Variants in TBXAS1 observed in about 807,000 individuals in gnomAD.
TBXAS1 encodes the protein thromboxane A synthase 1.
In TBXAS1, 48 loss-of-function variants were observed where a neutral mutation model predicts 60.7. The ratio of observed to expected loss-of-function variants is 0.79; its 90% confidence interval spans 0.63 to 1.01. The LOEUF is 1.01. Ranked by LOEUF, TBXAS1 falls within the 50% of genes least tolerant of loss-of-function variation. TBXAS1 has a pLI of 0.00. For synonymous variants in TBXAS1, 287 were observed against 269.7 expected (o/e 1.06, Z -0.63); for missense variants, 685 against 686.3 (o/e 1.00, Z 0.02).
rs760866237 is a variant in TBXAS1 at position 140,020,151 on chromosome 7, C to T, written c.*52C>T. 1 of 1,578,530 alleles carries T rather than the reference C, an allele frequency of 6.3e-7. No individual in the cohort carries two copies. The highest frequency in any genetic ancestry group is 8.7e-7 in the Non-Finnish European group (1 of 1,148,116). ...GGCACCCCCAAATTCAAAGAAAACC[C>T]TAAGTGTGGATGTTCAGAATTTTGG... On this transcript the variant is annotated 3_prime_UTR_variant, in exon 13 of 13. Coordinates refer to ENST00000448866, the MANE Select transcript of TBXAS1 (RefSeq NM_001061.7).
chr7:139,806,953 G>T (rs1012595435), intron 4 of TBXAS1, among the ~76,000 whole-genome samples: 3 of 152,156 alleles, frequency 2.0e-5, no homozygotes, highest in African/African-American at 7.2e-5. Context: ...TCTACCTAGG[G>T]GGTTCACAAA....
intron 9 of TBXAS1, among the ~76,000 whole-genome samples, chr7:139,983,195 TG>T (rs931566799): frequency 4.6e-5 from 7 of 152,330 alleles, no homozygotes; most frequent in African/African-American, 1.4e-4. Flanking sequence ...CTCTGATCTT[TG>T]GCATCTTACT....
At chr7:139,845,233 T>C (rs979298197) in intron 1 of TBXAS1, among the ~76,000 whole-genome samples, 3 of 152,114 alleles carry the variant, frequency 2.0e-5, no homozygotes, top group Admixed American at 6.5e-5. Context: ...CTCCTCTGCA[T>C]AAAACCCTTT....
intron 3 of TBXAS1, among the ~76,000 whole-genome samples, chr7:139,878,966 G>T (rs941572724): frequency 1.3e-5 from 2 of 152,110 alleles, no homozygotes; most frequent in African/African-American, 4.8e-5. Flanking sequence ...AATGGACAGG[G>T]CAAATCTCCT....
chr7:139,950,456 C>T (rs909078730), intron 5 of TBXAS1, among the ~76,000 whole-genome samples: 8 of 152,188 alleles, frequency 5.3e-5, no homozygotes, highest in African/African-American at 1.7e-4. Flanking sequence ...ATGGCTCTCC[C>T]TCCATGAGCC....
intron 4 of TBXAS1, among the ~76,000 whole-genome samples, chr7:139,805,714 C>A (rs1367798153): frequency 5.5e-4 from 53 of 96,454 alleles, no homozygotes; most frequent in African/African-American, 2.6e-3. Context: ...TTCTTTCTTT[C>A]TCTCTCTCTC....
Position 139,962,134 on chromosome 7 carries a change from C to A in TBXAS1, c.1035C>A (p.Ile345=). The A allele has an allele frequency of 6.2e-7, 1 of 1,614,198 alleles. No individual in the cohort carries two copies. Among genetic ancestry groups the A allele is most frequent in the Non-Finnish European group, 8.5e-7 (1 of 1,180,040 alleles). Residue 345 remains isoleucine, a synonymous_variant, in exon 9 of 13, where the codon ATC becomes ATA. Coordinates refer to ENST00000448866, the MANE Select transcript of TBXAS1 (RefSeq NM_001061.7). Reference sequence around the variant, plus strand: ...TCTTCCTCATCGCTGGCTATGAAATCATCACCAACACACTTTCTTTTGCCA... The same window carrying A: ...TCTTCCTCATCGCTGGCTATGAAATAATCACCAACACACTTTCTTTTGCCA... ...AFIFLIAGYE[I]ITNTLSFATY...
At chr7:139,935,937 A>G (rs1807724560) in intron 4 of TBXAS1, among the ~76,000 whole-genome samples, 1 of 152,112 alleles carries the variant, frequency 6.6e-6, no homozygotes, top group South Asian at 2.1e-4. Context: ...TGTCTCTATG[A>G]TGATGACCAC....
At chr7:139,819,483 C>G (rs187150854) in intron 4 of TBXAS1, among the ~76,000 whole-genome samples, 1 of 152,190 alleles carries the variant, frequency 6.6e-6, no homozygotes, top group African/African-American at 2.4e-5. Flanking sequence ...TTCATTCTTT[C>G]CCCCAACTCT....
At chr7:139,807,317 C>T (rs1196389887) in intron 4 of TBXAS1, among the ~76,000 whole-genome samples, 1 of 152,096 alleles carries the variant, frequency 6.6e-6, no homozygotes, top group Non-Finnish European at 1.5e-5. Flanking sequence ...AGTGATCCTC[C>T]AGCCTCAGCC....
chr7:139,890,366 C>T lies in TBXAS1; in HGVS notation c.236+14729C>T, dbSNP rs534039413. Among the ~76,000 whole-genome samples the T allele has an allele frequency of 4.5e-4, 67 of 149,942 alleles. No homozygotes were observed. In the South Asian group the frequency reaches 0.014, roughly 31 times the overall value. Reference sequence around the variant, plus strand: ...GAGTAGCTGGGACTACAGGCGCCCGCCACTGCGCCCGGCTAATTTTTTGTA... The same window carrying T: ...GAGTAGCTGGGACTACAGGCGCCCGTCACTGCGCCCGGCTAATTTTTTGTA... On this transcript the variant is annotated intron_variant, in intron 3 of 12. Transcript: ENST00000448866.
At chr7:139,919,199 C>T (rs961279296) in intron 4 of TBXAS1, among the ~76,000 whole-genome samples, 6 of 152,150 alleles carry the variant, frequency 3.9e-5, no homozygotes, top group South Asian at 2.1e-4. Flanking sequence ...AGGTCTTTCA[C>T]GTCTCCAGGT....
chr7:139,879,832 T>TTGTGTGTGTG lies in TBXAS1; in HGVS notation c.236+4233_236+4242dup, dbSNP rs57176056. On this transcript the variant is annotated intron_variant, in intron 3 of 12. Transcript: ENST00000448866. ...AAGCTCCTTTTCCCTTTATCTCATT[T>TTGTGTGTGTG]TGTGTGTGTGTGTGTGTGTGTGTGT... 2.3e-3 allele frequency among the ~76,000 whole-genome samples: 327 copies of TTGTGTGTGTG among 140,490 alleles called. 3 individuals carry two copies. The highest frequency in any genetic ancestry group is 7.3e-3 in the African/African-American group (271 of 37,194). The allele number at this position is 140,490 out of a possible 152,430, so 92.2% of individuals were successfully genotyped here.
At chr7:139,990,140 C>T (rs1399461903) in intron 9 of TBXAS1, among the ~76,000 whole-genome samples, 2 of 152,214 alleles carry the variant, frequency 1.3e-5, no homozygotes, top group Non-Finnish European at 2.9e-5. Context: ...TTCTGTTCTC[C>T]TCTCCTCCCC....
chr7:139,920,895 T>C (rs1806415766), intron 4 of TBXAS1, among the ~76,000 whole-genome samples: 1 of 152,136 alleles, frequency 6.6e-6, no homozygotes, highest in South Asian at 2.1e-4. Flanking sequence ...CCGACAAGCG[T>C]GTGCTCAATG....
intron 5 of TBXAS1, among the ~76,000 whole-genome samples, chr7:139,950,996 G>C (rs954679050): frequency 6.6e-6 from 1 of 152,104 alleles, no homozygotes; most frequent in African/African-American, 2.4e-5. Context: ...AGAGGAGAGG[G>C]GTCCTATAAA....
chr7:139,779,602 G>C (rs1255046252), intron 1 of TBXAS1, among the ~76,000 whole-genome samples: 2 of 152,092 alleles, frequency 1.3e-5, no homozygotes, highest in African/African-American at 4.8e-5. Flanking sequence ...CTCCACACCG[G>C]TCATTTATCT....
At chr7:139,937,267 G>C (rs1221655565) in intron 5 of TBXAS1, among the ~76,000 whole-genome samples, 2 of 152,210 alleles carry the variant, frequency 1.3e-5, no homozygotes, top group East Asian at 1.9e-4. Flanking sequence ...AGCTTGGCTT[G>C]AGTGCCCTGG....
intron 9 of TBXAS1, among the ~76,000 whole-genome samples, chr7:140,006,330 T>A (rs1180592083): frequency 6.6e-6 from 1 of 152,098 alleles, no homozygotes; most frequent in African/African-American, 2.4e-5. Flanking sequence ...AGGCCAAAGA[T>A]GGGGAGCCAG....
Sources: allele counts gnomAD v4.1 joint callset (sites outside exome capture counted in the v4.1 genomes callset), GRCh38; gene constraint gnomAD v4.1.1; transcripts MANE v1.5; gene names NCBI Gene and HGNC (gene_info 2026-07-23, HGNC 2026-07-21).